The following ADAMTSL2 variants were observed in gnomAD, a reference collection of about 807,000 sequenced individuals.
ADAMTSL2 encodes the protein ADAMTS like 2.
A neutral mutation model predicts 117.0 loss-of-function variants in ADAMTSL2; 55 were observed. The observed-to-expected ratio is 0.47, with a 90% CI of 0.38 to 0.59. The LOEUF is 0.59. Among genes scored for constraint, ADAMTSL2 ranks in the 20% least tolerant of loss-of-function variants. ADAMTSL2 has a pLI of 0.00. For missense variants in ADAMTSL2, 1,182 were observed against 1,354.5 expected, an observed-to-expected ratio of 0.87 and a Z score of 2.00; for synonymous variants, 572 against 566.4, an observed-to-expected ratio of 1.01 and a Z score of -0.14.
At chr9:133,550,060 C>T (rs1564500635) in intron 9 of ADAMTSL2, among the ~76,000 whole-genome samples, 1 of 152,250 alleles carries the variant, frequency 6.6e-6, no homozygotes, top group Non-Finnish European at 1.5e-5. Context: ...CTCCCCCATC[C>T]AAGACCCTTG....
rs1044375643 is a variant in ADAMTSL2 at position 133,558,228 on chromosome 9, C to T, written c.1649+2298C>T. 6.6e-5 allele frequency among the ~76,000 whole-genome samples: 10 copies of T among 152,298 alleles called. No homozygotes were observed. The highest frequency in any genetic ancestry group is 2.1e-4 in the South Asian group (1 of 4,830). Reference sequence around the variant, plus strand: ...GCTGAGATGCCGCTGCTCCCCCGGCCGGCCTGCCATCAAAGGATGCTGCCG... The same window carrying T: ...GCTGAGATGCCGCTGCTCCCCCGGCTGGCCTGCCATCAAAGGATGCTGCCG... On this transcript the variant is annotated intron_variant, in intron 11 of 18. Coordinates refer to ENST00000651351, the MANE Select transcript of ADAMTSL2 (RefSeq NM_014694.4). The surrounding 1 kb of genome is among the most constrained non-coding windows in gnomAD (Gnocchi z 4.3).
chr9:133,561,869 G>T (rs1055601542), intron 12 of ADAMTSL2, among the ~76,000 whole-genome samples: 20 of 152,198 alleles, frequency 1.3e-4, no homozygotes, highest in African/African-American at 4.8e-4. Context: ...GCCCTGAGAC[G>T]CTGGCCACAG....
intron 9 of ADAMTSL2, among the ~76,000 whole-genome samples, chr9:133,552,652 G>A (rs1302639098): frequency 6.6e-6 from 1 of 152,206 alleles, no homozygotes; most frequent in African/African-American, 2.4e-5. Flanking sequence ...ATGCTGATCT[G>A]CTCTAGGAGA....
At chr9:133,541,876 T>C (rs1830233432) in intron 7 of ADAMTSL2, among the ~76,000 whole-genome samples, 1 of 152,242 alleles carries the variant, frequency 6.6e-6, no homozygotes, top group Non-Finnish European at 1.5e-5. Flanking sequence ...ATGTCACTTG[T>C]AATGCTTGGC....
In ADAMTSL2 at chr9:133,554,335, G is replaced by A; in HGVS notation, c.940-22G>A. Reference sequence around the variant, plus strand: ...GCTGGACAGAGTAAGGAGGGGCTGGGGACCCACTTCTCTTTCCCTAGGTGT... The same window carrying A: ...GCTGGACAGAGTAAGGAGGGGCTGGAGACCCACTTCTCTTTCCCTAGGTGT... On this transcript the variant is annotated intron_variant, in intron 9 of 18. Coordinates refer to ENST00000651351, the MANE Select transcript of ADAMTSL2 (RefSeq NM_014694.4). This position sits in a 1 kb window ranked among gnomAD's most constrained non-coding sequence, Gnocchi z 5.2. The A allele has an allele frequency of 6.5e-7, 1 of 1,534,126 alleles. No homozygotes were observed. Among genetic ancestry groups the A allele is most frequent in the Non-Finnish European group, 8.7e-7 (1 of 1,143,318 alleles).
At position 133,572,181 on chromosome 9, in the gene ADAMTSL2, C is replaced by T. The variant is rs1157068411; in HGVS notation, c.2593-1662C>T. On this transcript the variant is annotated intron_variant, in intron 17 of 18. Coordinates refer to ENST00000651351, the MANE Select transcript of ADAMTSL2 (RefSeq NM_014694.4). ...GCCTCCACCCTGCCCCGCCACCCCC[C>T]ACCCCCCACCCCGCCCCAGGGCCTC... 3.9e-3 allele frequency among the ~76,000 whole-genome samples: 592 copies of T among 150,412 alleles called. 3 individuals carry two copies. Among genetic ancestry groups the T allele is most frequent in the Middle Eastern group, 0.02 (6 of 294 alleles).
At chr9:133,565,835 G>A (rs1400056712) in intron 12 of ADAMTSL2, among the ~76,000 whole-genome samples, 5 of 136,768 alleles carry the variant, frequency 3.7e-5, no homozygotes, top group African/African-American at 2.8e-5. Context: ...TCTGTCTCCC[G>A]TGGCCACACA....
At chr9:133,539,139 G>A (rs1356706338) in intron 4 of ADAMTSL2, among the ~76,000 whole-genome samples, 2 of 152,180 alleles carry the variant, frequency 1.3e-5, no homozygotes, top group African/African-American at 2.4e-5. Context: ...GAGGCAGGTG[G>A]CCACCGCTTC....
At chr9:133,534,545 G>A (rs1037082019), upstream of ADAMTSL2, 1 of 841,422 alleles carries the variant, frequency 1.2e-6, no homozygotes, top group Non-Finnish European at 1.6e-6. Context: ...GCAGCCAACA[G>A]GCAGCTGGGC....
chr9:133,572,286 C>T (rs1362695782), intron 17 of ADAMTSL2, among the ~76,000 whole-genome samples: 1 of 152,088 alleles, frequency 6.6e-6, no homozygotes. Flanking sequence ...CAAAGGACCC[C>T]CGAGTGAGGA....
Position 133,555,642 on chromosome 9 carries a change from C to T in ADAMTSL2, c.1361C>T (p.Ser454Leu), listed in dbSNP as rs1016206418. 1.2e-5 allele frequency: 20 copies of T among 1,613,578 alleles called. No homozygotes were observed. Among genetic ancestry groups the T allele is most frequent in the South Asian group, 1.1e-4 (10 of 91,088 alleles). ...DTHFASQEFF[S>L]ANAISDQLLG... Reference sequence around the variant, plus strand: ...CACTTCGCCTCCCAGGAGTTCTTCTCGGCTAACGCCATCTCTGACCAGCTG... The same window carrying T: ...CACTTCGCCTCCCAGGAGTTCTTCTTGGCTAACGCCATCTCTGACCAGCTG... The change falls in exon 11 of 19, where the codon TCG becomes TTG. Residue 454 changes from serine to leucine, a missense_variant. Coordinates refer to ENST00000651351, the MANE Select transcript of ADAMTSL2 (RefSeq NM_014694.4).
rs1233374717 is a variant in ADAMTSL2 at position 133,555,757 on chromosome 9, C to T, written c.1476C>T (p.Ala492=). ...FAQGAPRSSL[A]ESFFVDYEEN... ...AGGGCGCCCCAAGGAGCTCCCTGGC[C>T]GAGAGCTTCTTCGTGGATTATGAGG... The change falls in exon 11 of 19, where the codon GCC becomes GCT. Residue 492 remains alanine, a synonymous_variant. Coordinates refer to ENST00000651351, the MANE Select transcript of ADAMTSL2 (RefSeq NM_014694.4). The T allele has an allele frequency of 4.3e-6, 7 of 1,614,034 alleles. No homozygotes were observed. The highest frequency in any genetic ancestry group is 2.2e-5 in the East Asian group (1 of 44,880).
intron 18 of ADAMTSL2, among the ~76,000 whole-genome samples, chr9:133,574,248 G>A (rs1831176689): frequency 6.6e-6 from 1 of 152,208 alleles, no homozygotes; most frequent in Non-Finnish European, 1.5e-5. Context: ...CTGTACTTTG[G>A]GAAAAGGGTC....
intron 9 of ADAMTSL2, among the ~76,000 whole-genome samples, chr9:133,551,306 AC>A (rs1205525716): frequency 4.6e-5 from 7 of 151,146 alleles, no homozygotes; most frequent in African/African-American, 1.2e-4. Context: ...GCCCCCCCAC[AC>A]ACAGCCATAG....
chr9:133,574,153 C>T (rs956381667), intron 18 of ADAMTSL2, among the ~76,000 whole-genome samples, 166 bp downstream of exon 18: 83 of 152,250 alleles, frequency 5.5e-4, no homozygotes, highest in Middle Eastern at 3.4e-3. Flanking sequence ...CCGGCATGGC[C>T]GAGCCCCACT....
At chr9:133,564,641 GGA>G (rs1564179077) in intron 12 of ADAMTSL2, among the ~76,000 whole-genome samples, 4 of 13,094 alleles carry the variant, frequency 3.1e-4, no homozygotes, top group African/African-American at 8.4e-4. Flanking sequence ...AGAGAGAGAG[GGA>G]GAGAGGGAGA....
At chr9:133,545,325 C>T (rs576478437) in intron 8 of ADAMTSL2, among the ~76,000 whole-genome samples, 1 of 152,202 alleles carries the variant, frequency 6.6e-6, no homozygotes, top group African/African-American at 2.4e-5. Flanking sequence ...AAACCTGACA[C>T]TACCTGGGTT....
Position 133,554,343 on chromosome 9 carries a change from T to C in ADAMTSL2, c.940-14T>C. 1 of 1,540,692 alleles carries C rather than the reference T, an allele frequency of 6.5e-7. No individual in the cohort carries two copies. The highest frequency in any genetic ancestry group is 1.2e-5 in the South Asian group (1 of 84,520). ...GAGTAAGGAGGGGCTGGGGACCCAC[T>C]TCTCTTTCCCTAGGTGTGGAACCAG... On this transcript the variant is annotated splice_polypyrimidine_tract_variant and intron_variant, in intron 9 of 18. Coordinates refer to ENST00000651351, the MANE Select transcript of ADAMTSL2 (RefSeq NM_014694.4). This position sits in a 1 kb window ranked among gnomAD's most constrained non-coding sequence, Gnocchi z 5.2.
intron 17 of ADAMTSL2, among the ~76,000 whole-genome samples, chr9:133,572,338 C>T (rs1831127986): frequency 6.6e-6 from 1 of 152,162 alleles, no homozygotes; most frequent in Non-Finnish European, 1.5e-5. Context: ...CCAGGGGAGG[C>T]CTGGGCAGAG....
Sources: gnomAD v4.1 joint callset for allele counts (sites outside exome capture counted in the v4.1 genomes callset) on GRCh38, gnomAD v4.1.1 for gene constraint, Gnocchi (gnomAD v3.1) non-coding constraint, MANE v1.5 for transcripts, NCBI Gene and HGNC (gene_info 2026-07-23, HGNC 2026-07-21) for gene names.